The following ZNF835 variants were observed in gnomAD, a reference collection of about 807,000 sequenced individuals.
ZNF835 encodes zinc finger protein 835.
For synonymous variants in ZNF835, 323 were observed against 324.7 expected, an observed-to-expected ratio of 0.99 and a Z score of 0.06; for missense variants, 783 against 758.4, an observed-to-expected ratio of 1.03 and a Z score of -0.38.
At chr19:56,670,750 C>T (rs2045282336) in intron 1 of ZNF835, among the ~76,000 whole-genome samples, 1 of 152,232 alleles carries the variant, frequency 6.6e-6, no homozygotes, top group Non-Finnish European at 1.5e-5. Context: ...GCACACACTT[C>T]AGACAGCACG....
In ZNF835 at chr19:56,664,680, C is replaced by T. The variant is rs201628506; in HGVS notation, c.519G>A (p.Lys173=). ...EKPYACHECG[K]AFSQGSYLAS... is the part of the protein sequence containing the mutation. ...CCAGGTACGAGCCCTGGCTGAAGGC[C>T]TTGCCGCACTCGTGGCAGGCGTAGG... Residue 173 remains lysine, a synonymous_variant, in exon 2 of 2, where the codon AAG becomes AAA. Coordinates refer to ENST00000537055, the MANE Select transcript of ZNF835 (RefSeq NM_001005850.3). 3.3e-4 allele frequency: 539 copies of T among 1,612,802 alleles called. No homozygotes were observed. Among genetic ancestry groups the T allele is most frequent in the Admixed American group, 1.7e-3 (103 of 59,900 alleles).
At chr19:56,668,874 C>T (rs992845594) in intron 1 of ZNF835, among the ~76,000 whole-genome samples, 9 of 151,954 alleles carry the variant, frequency 5.9e-5, no homozygotes, top group African/African-American at 7.3e-5. Context: ...CCGGCATCCC[C>T]GGAGTGTGCA....
chr19:56,668,895 C>T (rs1205623472), intron 1 of ZNF835, among the ~76,000 whole-genome samples: 1 of 151,998 alleles, frequency 6.6e-6, no homozygotes, highest in East Asian at 1.9e-4. Flanking sequence ...GGGGTACCCA[C>T]CTCGTGTGTA....
chr19:56,665,614 C>A (rs555883526), intron 1 of ZNF835, among the ~76,000 whole-genome samples: 34 of 152,100 alleles, frequency 2.2e-4, no homozygotes, highest in African/African-American at 8.0e-4. Flanking sequence ...GCTGCCTGGG[C>A]AACACAGCAA....
Position 56,664,881 on chromosome 19 carries a change from G to A in ZNF835, c.318C>T (p.Pro106=). ...AGTCCCCGCATTTCCACGGCTTCTTGGGGCCTCCACCTCTCTCCCGCTGGC... is the reference window on the plus strand; with the variant it reads ...AGTCCCCGCATTTCCACGGCTTCTTAGGGCCTCCACCTCTCTCCCGCTGGC... ...DSRQRERGGG[P]KKPWKCGDCG... Residue 106 remains proline (P), a synonymous_variant, in exon 2 of 2, where the codon CCC becomes CCT. Coordinates refer to ENST00000537055, the MANE Select transcript of ZNF835 (RefSeq NM_001005850.3). The A allele has an allele frequency of 6.2e-7, 1 of 1,613,808 alleles. No homozygotes were observed. The highest frequency in any genetic ancestry group is 8.5e-7 in the Non-Finnish European group (1 of 1,179,872).
Position 56,662,228 on chromosome 19 carries a change from G to C in ZNF835, c.*1357C>G, listed in dbSNP as rs1159658321. On this transcript the variant is annotated 3_prime_UTR_variant, in exon 2 of 2. Coordinates refer to ENST00000537055, the MANE Select transcript of ZNF835 (RefSeq NM_001005850.3). ...TGCCACCTCCCTGAGAACACACCCAGGTGAGATGTGAGTCAGGAGAAGAAG... is the reference window on the plus strand; with the variant it reads ...TGCCACCTCCCTGAGAACACACCCACGTGAGATGTGAGTCAGGAGAAGAAG... 1 of 152,180 alleles carries C rather than the reference G, an allele frequency of 6.6e-6. No individual in the cohort carries two copies. The allele number at this position is 152,180 out of a possible 1,614,324, so 9.4% of individuals were successfully genotyped here. A position where few individuals can be genotyped will look rare whatever the true frequency, so the allele number is the denominator to read the frequency against.
rs773254709 is a variant in ZNF835, at chr19:56,664,704, G to A, written c.495C>T (p.Pro165=). 4.4e-6 allele frequency: 7 copies of A among 1,609,094 alleles called. No homozygotes were observed. The highest frequency in any genetic ancestry group is 8.5e-7 in the Non-Finnish European group (1 of 1,177,320). The change falls in exon 2 of 2, where the codon CCC becomes CCT. Residue 165 remains proline, a synonymous_variant. Transcript: ENST00000537055. ...LHQRTHTGEK[P]YACHECGKAF... ...CCTTGCCGCACTCGTGGCAGGCGTA[G>A]GGCTTCTCGCCCGTGTGCGTGCGCT...
rs375252849 is a variant in ZNF835 at position 56,663,938 on chromosome 19, C to G, written c.1261G>C (p.Gly421Arg). 200 of 1,609,570 alleles carry G rather than the reference C, an allele frequency of 1.2e-4. 2 individuals carry two copies. The highest frequency in any genetic ancestry group is 1.6e-4 in the Non-Finnish European group (183 of 1,177,790). Residue 421 changes from glycine to arginine, a missense_variant, in exon 2 of 2, where the codon GGC (glycine) becomes CGC (arginine). Coordinates refer to ENST00000537055, the MANE Select transcript of ZNF835 (RefSeq NM_001005850.3). ...TGGCTGAAAGCTTTGCCGCACTCGCCGCACTTGTAGGGCCGCTCTCCGGTG... is the reference window on the plus strand; with the variant it reads ...TGGCTGAAAGCTTTGCCGCACTCGCGGCACTTGTAGGGCCGCTCTCCGGTG... ...IHTGERPYKC[G>R]ECGKAFSQGS...
At position 56,663,894 on chromosome 19, in the gene ZNF835, C is replaced by G. The variant is rs774384141; in HGVS notation, c.1305G>C (p.Leu435=). The change falls in exon 2 of 2, where the codon CTG becomes CTC. Residue 435 remains leucine (L), a synonymous_variant. Coordinates refer to ENST00000537055, the MANE Select transcript of ZNF835 (RefSeq NM_001005850.3). ...GCTCGCCCGTGTGCGTGCGCTGGTG[C>G]AGGGCGAGCGAGGAGCCCTGGCTGA... ...KAFSQGSSLA[L]HQRTHTGERP... is the part of the protein sequence containing the mutation. 5.6e-6 allele frequency: 9 copies of G among 1,612,698 alleles called. No individual in the cohort carries two copies. The East Asian group carries it at 2.0e-4, about 36-fold the overall frequency.
chr19:56,663,482 G>A lies in ZNF835; in HGVS notation c.*103C>T, dbSNP rs1208460556. 2 of 1,507,320 alleles carry A rather than the reference G, an allele frequency of 1.3e-6. No individual in the cohort carries two copies. Among genetic ancestry groups the A allele is most frequent in the Non-Finnish European group, 1.8e-6 (2 of 1,112,298 alleles). 93.4% of individuals were successfully genotyped at this position (1,507,320 alleles called of 1,614,324 possible). ...TTCCCCACTGTGTGCCCTCAGGCAA[G>A]TTAACAAGCTTCTCTGAGCCTCGGT... is the stretch of plus-strand genomic sequence containing the variant. On this transcript the variant is annotated 3_prime_UTR_variant, in exon 2 of 2. Coordinates refer to ENST00000537055, the MANE Select transcript of ZNF835 (RefSeq NM_001005850.3).
intron 1 of ZNF835, among the ~76,000 whole-genome samples, chr19:56,670,319 C>CACAGGAAG (rs1409611931): frequency 1.3e-5 from 2 of 152,090 alleles, no homozygotes; most frequent in Non-Finnish European, 2.9e-5. Context: ...ATCACAAGAT[C>CACAGGAAG]ACAGGAAGAC....
rs949500159 is a variant in ZNF835 at position 56,666,200 on chromosome 19, G to A, written c.-47-955C>T. 2.0e-5 allele frequency among the ~76,000 whole-genome samples: 3 copies of A among 152,024 alleles called. No homozygotes were observed. In the East Asian group the frequency reaches 5.8e-4, roughly 29 times the overall value. On this transcript the variant is annotated intron_variant, in intron 1 of 1. Coordinates refer to ENST00000537055, the MANE Select transcript of ZNF835 (RefSeq NM_001005850.3). ...TGGCTCACTGCAACCTCCGCCTCCC[G>A]GGTTCAAGCAATTCTTCTGCCTCAG...
At position 56,664,572 on chromosome 19, in the gene ZNF835, C is replaced by G. The variant is rs2045225249; in HGVS notation, c.627G>C (p.Leu209=). 1.2e-6 allele frequency: 2 copies of G among 1,606,610 alleles called. No homozygotes were observed. Among genetic ancestry groups the G allele is most frequent in the African/African-American group, 2.7e-5 (2 of 74,676 alleles). Residue 209 remains leucine, a synonymous_variant, in exon 2 of 2, where the codon CTG becomes CTC. Transcript: ENST00000537055. The stretch of plus-strand genomic sequence containing the variant: ...CCGTGTGCACGCGCCGGTGCTGGGT[C>G]AGGTGCGTGACGCGCGTGAAGGCCT... ...CGKAFTRVTH[L]TQHRRVHTGE... is the part of the protein sequence containing the mutation.
chr19:56,668,280 T>A lies in ZNF835; in HGVS notation c.-47-3035A>T, dbSNP rs140920539. 8.5e-3 allele frequency among the ~76,000 whole-genome samples: 1,292 copies of A among 151,952 alleles called. 26 individuals carry two copies. Among genetic ancestry groups the A allele is most frequent in the African/African-American group, 0.03 (1,237 of 41,432 alleles). On this transcript the variant is annotated intron_variant, in intron 1 of 1. Transcript: ENST00000537055. ...CCAAAGTGCTGGGATTACAGGCATG[T>A]GCCACTGTGCCCGGCCAATAAATGC...
intron 1 of ZNF835, among the ~76,000 whole-genome samples, chr19:56,667,856 G>A (rs774078966): frequency 2.7e-4 from 41 of 152,170 alleles, no homozygotes; most frequent in Non-Finnish European, 5.0e-4. Flanking sequence ...ACAACAAGAG[G>A]GCCCGGTCTA....
Position 56,665,016 on chromosome 19 carries a change from T to A in ZNF835, c.183A>T (p.Pro61=), listed in dbSNP as rs369263591. 1.3e-4 allele frequency: 215 copies of A among 1,613,930 alleles called. No homozygotes were observed. The highest frequency in any genetic ancestry group is 8.2e-4 in the Middle Eastern group (5 of 6,084). ...TAGCAGCAGGGCTCGATATGGTTCT[T>A]GGGATTCGGCTGAATTCATCGCGTT... ...MQERDEFSRI[P]RTISSPAATQ... Residue 61 remains proline, a synonymous_variant, in exon 2 of 2, where the codon CCA becomes CCT. Coordinates refer to ENST00000537055, the MANE Select transcript of ZNF835 (RefSeq NM_001005850.3).
At position 56,663,126 on chromosome 19, in the gene ZNF835, A is replaced by C. The variant is rs1404325562; in HGVS notation, c.*459T>G. 1 of 167,038 alleles carries C rather than the reference A, an allele frequency of 6.0e-6. No individual in the cohort carries two copies. The highest frequency in any genetic ancestry group is 1.2e-5 in the Non-Finnish European group (1 of 81,352). 10.3% of individuals were successfully genotyped at this position (167,038 alleles called of 1,614,324 possible). ...CAGTGAGCCGAGATTGCATCACTGCACTCCAGCCTGGGCGACAGAGCAAGA... is the reference window on the plus strand; with the variant it reads ...CAGTGAGCCGAGATTGCATCACTGCCCTCCAGCCTGGGCGACAGAGCAAGA... On this transcript the variant is annotated 3_prime_UTR_variant, in exon 2 of 2. Transcript: ENST00000537055.
At position 56,663,612 on chromosome 19, in the gene ZNF835, T is replaced by C; in HGVS notation, c.1587A>G (p.Arg529=). The part of the protein sequence containing the change: ...GETCQQGCPG[R]NPRGPAED ...AATCTTCTGCTGGTCCACGCGGGTT[T>C]CTGCCAGGGCACCCCTGTTGACAGG... The change falls in exon 2 of 2, where the codon AGA becomes AGG. Residue 529 remains arginine, a synonymous_variant. Transcript: ENST00000537055. 1 of 1,614,020 alleles carries C rather than the reference T, an allele frequency of 6.2e-7. No individual in the cohort carries two copies. Among genetic ancestry groups the C allele is most frequent in the South Asian group, 1.1e-5 (1 of 91,090 alleles).
chr19:56,665,714 G>A (rs577074501), intron 1 of ZNF835, among the ~76,000 whole-genome samples: 1 of 152,262 alleles, frequency 6.6e-6, no homozygotes, highest in East Asian at 1.9e-4. Flanking sequence ...GAGGCAAGAG[G>A]ATCAGCTGAG....
Sources: allele counts gnomAD v4.1 joint callset (sites outside exome capture counted in the v4.1 genomes callset), GRCh38; gene constraint gnomAD v4.1.1; transcripts MANE v1.5; gene names NCBI Gene and HGNC (gene_info 2026-07-23, HGNC 2026-07-21).